CADM2: variants seen among roughly 807,000 people sequenced by gnomAD.
The protein encoded by CADM2 is immunoglobulin superfamily member 4D.
CADM2 carries 12 observed loss-of-function variants against 49.8 expected under a neutral mutation model. That is an observed-to-expected ratio of 0.24 (90% confidence interval 0.15 to 0.39). The LOEUF (loss-of-function observed/expected upper bound fraction) is 0.39. CADM2 is among the 10% of genes least tolerant of loss of function. The probability of loss-of-function intolerance (pLI) is 1.00; values close to 1 mark genes in which losing one functional copy is unlikely to be tolerated. For missense variants in CADM2, 378 were observed against 492.3 expected, an observed-to-expected ratio of 0.77 and a Z score of 2.20; for synonymous variants, 214 against 175.4, an observed-to-expected ratio of 1.22 and a Z score of -1.74.
chr3:85,546,538 A>G (rs2061673585), intron 1 of CADM2, among the ~76,000 whole-genome samples: 2 of 152,076 alleles, frequency 1.3e-5, no homozygotes, highest in African/African-American at 2.4e-5. Context: ...TAACATTAGA[A>G]TGGGCTCCAA....
chr3:86,033,479 T>C (rs961622138), intron 8 of CADM2, among the ~76,000 whole-genome samples: 1 of 151,630 alleles, frequency 6.6e-6, no homozygotes, highest in Non-Finnish European at 1.5e-5. Flanking sequence ...CTCTGTACAG[T>C]AGGTGGGTAT....
At chr3:85,264,943 T>A (rs1431105276) in intron 1 of CADM2, among the ~76,000 whole-genome samples, 1 of 151,988 alleles carries the variant, frequency 6.6e-6, no homozygotes, top group Non-Finnish European at 1.5e-5. Flanking sequence ...ATATAATAAA[T>A]CCTGACTTTG....
chr3:85,296,766 T>C (rs1002767404), intron 1 of CADM2, among the ~76,000 whole-genome samples: 10 of 152,080 alleles, frequency 6.6e-5, no homozygotes, highest in Non-Finnish European at 1.2e-4. Context: ...CACGACTTTC[T>C]ACTCCTATGC....
rs1003376102 is a variant in CADM2 at position 85,814,318 on chromosome 3, T to C, written c.238+12122T>C. Among the ~76,000 whole-genome samples, 25 of 152,096 alleles carry C rather than the reference T, an allele frequency of 1.6e-4. 1 individual carries two copies. The highest frequency in any genetic ancestry group is 6.0e-4 in the African/African-American group (25 of 41,408). On this transcript the variant is annotated intron_variant, in intron 3 of 9. Coordinates refer to ENST00000383699, the MANE Select transcript of CADM2 (RefSeq NM_001167675.2). ...TCTTAGTAGCAATTGTGAATGGGAG[T>C]TCACTCATGATTTGGTCTCTGTTTG...
chr3:85,315,531 G>A (rs1160365624), intron 1 of CADM2, among the ~76,000 whole-genome samples: 2 of 152,116 alleles, frequency 1.3e-5, no homozygotes, highest in Admixed American at 6.6e-5. Flanking sequence ...TTAGAGTGTA[G>A]CAAATTGTTG....
chr3:85,864,016 A>G (rs1014970022), intron 3 of CADM2, among the ~76,000 whole-genome samples: 1 of 152,138 alleles, frequency 6.6e-6, no homozygotes, highest in Non-Finnish European at 1.5e-5. Flanking sequence ...GAGCACACCC[A>G]CAGAGTGACT....
intron 3 of CADM2, among the ~76,000 whole-genome samples, chr3:85,830,222 A>AATTAGTCTTCC (rs1336492977): frequency 6.6e-6 from 1 of 151,926 alleles, no homozygotes; most frequent in Non-Finnish European, 1.5e-5. Context: ...CCTAACATGT[A>AATTAGTCTTCC]TAATGTGATA....
chr3:85,350,241 A>AT (rs1298050540), intron 1 of CADM2, among the ~76,000 whole-genome samples: 2 of 152,216 alleles, frequency 1.3e-5, no homozygotes, highest in South Asian at 2.1e-4. Flanking sequence ...TATCCCATGA[A>AT]TTTTTTTCAT....
intron 1 of CADM2, among the ~76,000 whole-genome samples, chr3:85,378,742 G>T (rs913142452): frequency 2.0e-5 from 3 of 151,832 alleles, no homozygotes; most frequent in East Asian, 3.9e-4. Context: ...TGGGAGAGGG[G>T]TGAGGGATAA....
intron 5 of CADM2, among the ~76,000 whole-genome samples, chr3:85,902,461 TAC>T (rs914630657): frequency 7.2e-5 from 11 of 151,908 alleles, no homozygotes; most frequent in African/African-American, 2.4e-4. Flanking sequence ...TTTAAAAAAA[TAC>T]AGTTTTATAA....
intron 1 of CADM2, among the ~76,000 whole-genome samples, chr3:85,159,118 G>A (rs1333689746): frequency 6.6e-6 from 1 of 152,056 alleles, no homozygotes; most frequent in African/African-American, 2.4e-5. Flanking sequence ...TTAATCATTT[G>A]CAAATTAATG....
intron 7 of CADM2, among the ~76,000 whole-genome samples, chr3:85,938,508 G>A (rs958066766): frequency 1.3e-5 from 2 of 151,906 alleles, no homozygotes; most frequent in Admixed American, 6.6e-5. Context: ...CATAATAATA[G>A]CAACACATAT....
rs1427638439 is a variant in CADM2, at chr3:85,541,786, T to C, written c.62-184736T>C. On this transcript the variant is annotated intron_variant, in intron 1 of 9. Transcript: ENST00000383699. ...ATATATTTTATATTTTATATATATA[T>C]ATATATATGTATAGTGTTTATGTCA... 5.6e-5 allele frequency among the ~76,000 whole-genome samples: 8 copies of C among 142,328 alleles called. 1 individual carries two copies. The highest frequency in any genetic ancestry group is 2.1e-4 in the African/African-American group (8 of 38,436). The allele number at this position is 142,328 out of a possible 152,430, so 93.4% of individuals were successfully genotyped here. A position where few individuals can be genotyped will look rare whatever the true frequency, so the allele number is the denominator to read the frequency against.
intron 8 of CADM2, among the ~76,000 whole-genome samples, chr3:85,977,704 A>G (rs1266422388): frequency 6.6e-6 from 1 of 151,576 alleles, no homozygotes; most frequent in Non-Finnish European, 1.5e-5. Context: ...AGTCAGTTCT[A>G]CTTTATGATA....
chr3:85,894,372 G>T (rs1004607011), intron 5 of CADM2, among the ~76,000 whole-genome samples: 2 of 152,122 alleles, frequency 1.3e-5, no homozygotes, highest in Admixed American at 6.5e-5. Flanking sequence ...GGGAGGGATA[G>T]CATTAGGAGA....
intron 3 of CADM2, among the ~76,000 whole-genome samples, chr3:85,827,816 A>G (rs2073992370): frequency 6.6e-6 from 1 of 151,996 alleles, no homozygotes; most frequent in South Asian, 2.1e-4. Context: ...AAAGTGAATG[A>G]TTCAGGTCAA....
chr3:85,232,908 G>A (rs2042327373), intron 1 of CADM2, among the ~76,000 whole-genome samples: 1 of 152,138 alleles, frequency 6.6e-6, no homozygotes, highest in Non-Finnish European at 1.5e-5. Flanking sequence ...ACTTAGAAGA[G>A]TTGAAAATTT....
intron 3 of CADM2, among the ~76,000 whole-genome samples, chr3:85,877,669 C>T (rs1712088337): frequency 7.5e-6 from 1 of 132,848 alleles, no homozygotes. Context: ...CTAAATGGAA[C>T]ATTTTTTTTC....
intron 1 of CADM2, among the ~76,000 whole-genome samples, chr3:85,039,854 G>T (rs1054751117): frequency 6.6e-6 from 1 of 152,140 alleles, no homozygotes; most frequent in Non-Finnish European, 1.5e-5. Context: ...AGCAATAACA[G>T]TGAGGGAGAA....
Sources: allele counts gnomAD v4.1 joint callset (sites outside exome capture counted in the v4.1 genomes callset), GRCh38; gene constraint gnomAD v4.1.1; transcripts MANE v1.5; gene names NCBI Gene and HGNC (gene_info 2026-07-23, HGNC 2026-07-21).